The following LRIG2 variants were observed in gnomAD, a reference collection of about 807,000 sequenced individuals.
The protein encoded by LRIG2 is leucine rich repeats and immunoglobulin like domains 2.
Under a neutral mutation model 107.8 loss-of-function variants are expected in LRIG2, and 93 were observed. The observed-to-expected ratio is 0.86, with a 90% confidence interval of 0.73 to 1.03. The LOEUF (loss-of-function observed/expected upper bound fraction) is 1.03. LRIG2 is among the 50% of genes least tolerant of loss of function. The pLI is 0.00. For missense variants in LRIG2, 1,226 were observed against 1,296.0 expected (o/e 0.95, Z 0.83); for synonymous variants, 471 against 470.6 (o/e 1.00, Z -0.01).
intron 1 of LRIG2, among the ~76,000 whole-genome samples, chr1:113,090,824 C>T (rs1020282276): frequency 3.4e-5 from 5 of 148,498 alleles, no homozygotes; most frequent in African/African-American, 9.9e-5. Flanking sequence ...GGCGACAGAG[C>T]GAGACTCCGT....
Position 113,093,466 on chromosome 1 carries a change from A to C in LRIG2, c.417A>C (p.Ala139=). ...HNIIPEINAQ[A]LQFYPALESL... ...TAATCCCAGAAATAAATGCACAGGC[A>C]CTCCAGTTTTACCCTGCTCTGGAGA... Residue 139 remains alanine, a synonymous_variant, in exon 4 of 18, where the codon GCA becomes GCC. Coordinates refer to ENST00000361127, the MANE Select transcript of LRIG2 (RefSeq NM_014813.3). 1 of 1,613,530 alleles carries C rather than the reference A, an allele frequency of 6.2e-7. No individual in the cohort carries two copies.
chr1:113,090,178 A>G (rs1653740954), intron 1 of LRIG2, among the ~76,000 whole-genome samples: 1 of 152,210 alleles, frequency 6.6e-6, no homozygotes, highest in African/African-American at 2.4e-5. Flanking sequence ...ATGACCTAAG[A>G]TGTATTATTG....
At chr1:113,119,135 T>C in intron 16 of LRIG2, 98 bp from the exon 17 acceptor site, 2 of 1,120,910 alleles carry the variant, frequency 1.8e-6, no homozygotes, top group South Asian at 2.9e-5. Flanking sequence ...GCTCAATACA[T>C]GCTAGCAATG....
At position 113,091,960 on chromosome 1, in the gene LRIG2, T is replaced by C. The variant is rs150476771; in HGVS notation, c.305+577T>C. Among the ~76,000 whole-genome samples, 396 of 152,342 alleles carry C rather than the reference T, an allele frequency of 2.6e-3. 2 individuals carry two copies. The highest frequency in any genetic ancestry group is 9.0e-3 in the African/African-American group (374 of 41,584). On this transcript the variant is annotated intron_variant, in intron 2 of 17. Coordinates refer to ENST00000361127, the MANE Select transcript of LRIG2 (RefSeq NM_014813.3). The stretch of plus-strand genomic sequence containing the variant: ...GCACAACCGTTAAGGTATATAGGCC[T>C]ATTTGCCTCTACAATTAACACCATC...
intron 9 of LRIG2, 90 bp from the exon 10 acceptor site, chr1:113,100,121 C>T (rs976823796): frequency 7.2e-5 from 50 of 691,482 alleles, no homozygotes; most frequent in East Asian, 5.9e-4. Flanking sequence ...AAGTACGCTA[C>T]GCTTATTTTC....
At chr1:113,081,034 G>C (rs1175721983) in intron 1 of LRIG2, among the ~76,000 whole-genome samples, 1 of 151,692 alleles carries the variant, frequency 6.6e-6, no homozygotes, top group Non-Finnish European at 1.5e-5. Context: ...CTAGAGACGA[G>C]GTTTCACCAT....
chr1:113,086,009 T>G (rs1187610992), intron 1 of LRIG2, among the ~76,000 whole-genome samples: 2 of 145,586 alleles, frequency 1.4e-5, no homozygotes, highest in South Asian at 2.3e-4. Flanking sequence ...GGTTTTTTTT[T>G]TTTTTTTTTT....
chr1:113,114,737 G>A lies in LRIG2; in HGVS notation c.2391G>A (p.Gly797=), dbSNP rs1009925443. 4 of 1,614,148 alleles carry A rather than the reference G, an allele frequency of 2.5e-6. No individual in the cohort carries two copies. In the African/African-American group the frequency reaches 4.0e-5, roughly 16 times the overall value. The change falls in exon 15 of 18, where the codon GGG becomes GGA. Residue 797 remains glycine (G), a synonymous_variant. Transcript: ENST00000361127. ...PNCDSSQSSI[G]HEDDGWTTVG... ...GTGACTCTTCCCAGAGTAGCATTGG[G>A]CATGAAGATGATGGCTGGACCACAG...
At chr1:113,123,723 G>GTTTTTT (rs139220276) in intron 17 of LRIG2, 152 bp from the exon 18 acceptor site, 34 of 551,792 alleles carry the variant, frequency 6.2e-5, no homozygotes, top group African/African-American at 5.6e-4. Flanking sequence ...TCTGGTGGTG[G>GTTTTTT]TTTTTGTGTG....
rs115632277 is a variant in LRIG2, at chr1:113,119,296, C to T, written c.2744C>T (p.Thr915Ile). 3,343 of 1,614,050 alleles carry T rather than the reference C, an allele frequency of 2.1e-3. 28 individuals carry two copies. Among genetic ancestry groups the T allele is most frequent in the African/African-American group, 0.017 (1,243 of 74,998 alleles). The change falls in exon 17 of 18, where the codon ACC becomes ATC. Residue 915 changes from threonine to isoleucine, a missense_variant. Thr to Ile is a moderately conservative substitution (Grantham distance 89). Transcript: ENST00000361127. ...GACAATGCCAACATCTACTCCAGGACCCGAGAATACTGTCCATACACCTAT... is the reference window on the plus strand; with the variant it reads ...GACAATGCCAACATCTACTCCAGGATCCGAGAATACTGTCCATACACCTAT... ...CYDNANIYSR[T>I]REYCPYTYIA...
Position 113,119,391 on chromosome 1 carries a change from T to G in LRIG2, c.2839T>G (p.Leu947Val), listed in dbSNP as rs781546876. The change falls in exon 17 of 18, where the codon TTA becomes GTA. Residue 947 changes from leucine to valine, a missense_variant. This residue lies in a region of LRIG2 where 642 missense variants were observed against 712.2 expected (regional missense o/e 0.90). Coordinates refer to ENST00000361127, the MANE Select transcript of LRIG2 (RefSeq NM_014813.3). ...LMVQMPKETY[L>V]VHPPQDTTAL... ...GGTCCAAATGCCTAAAGAGACATAT[T>G]TAGTACATCCTCCCCAGGATACTAC... 8.1e-6 allele frequency: 13 copies of G among 1,613,946 alleles called. No individual in the cohort carries two copies. The highest frequency in any genetic ancestry group is 9.3e-6 in the Non-Finnish European group (11 of 1,179,996).
At position 113,073,499 on chromosome 1, in the gene LRIG2, TCTC is replaced by T. The variant is rs1301053830; in HGVS notation, c.99_101del (p.Leu35del). 14 of 1,613,894 alleles carry T rather than the reference TCTC, an allele frequency of 8.7e-6. No homozygotes were observed. The highest frequency in any genetic ancestry group is 1.3e-5 in the African/African-American group (1 of 74,886). On this transcript the variant is annotated inframe_deletion, in exon 1 of 18. Coordinates refer to ENST00000361127, the MANE Select transcript of LRIG2 (RefSeq NM_014813.3). The stretch of plus-strand genomic sequence containing the variant: ...GGTTACTCTTCATTGCCCAGACCGC[TCTC>T]CTCCTGTTGCCCGCCGCCGGAGCAG...
At chr1:113,100,753 T>C (rs1654273582) in intron 11 of LRIG2, 2 of 287,044 alleles carry the variant, frequency 7.0e-6, no homozygotes, top group East Asian at 1.1e-4. Flanking sequence ...CACTGCTCCT[T>C]ATGCTTTATG....
At chr1:113,081,104 G>A (rs1653261436) in intron 1 of LRIG2, among the ~76,000 whole-genome samples, 1 of 152,098 alleles carries the variant, frequency 6.6e-6, no homozygotes, top group East Asian at 1.9e-4. Context: ...GCCTCCCAAA[G>A]TGCTGGGATT....
At position 113,128,289 on chromosome 1, in the gene LRIG2, TC is replaced by T. The variant is rs1218050183; in HGVS notation, c.*4191del. 1.3e-5 allele frequency: 2 copies of T among 152,232 alleles called. No individual in the cohort carries two copies. The highest frequency in any genetic ancestry group is 2.9e-5 in the Non-Finnish European group (2 of 68,042). 9.4% of individuals were successfully genotyped at this position (152,232 alleles called of 1,614,324 possible). A position where few individuals can be genotyped will look rare whatever the true frequency, so the allele number is the denominator to read the frequency against. On this transcript the variant is annotated 3_prime_UTR_variant, in exon 18 of 18. Coordinates refer to ENST00000361127, the MANE Select transcript of LRIG2 (RefSeq NM_014813.3). ...ACTTCCTAAAGATCACAATTTCCTA[TC>T]CCTTCAATCTGCGATCCCTCTTCTT...
At chr1:113,096,074 A>G (rs1375240842) in intron 7 of LRIG2, 57 bp downstream of exon 7, 1 of 1,606,808 alleles carries the variant, frequency 6.2e-7, no homozygotes, top group Non-Finnish European at 8.5e-7. Context: ...GATTGGAATA[A>G]ATCATTCCCA....
At chr1:113,079,346 TAAAA>T (rs141538883) in intron 1 of LRIG2, among the ~76,000 whole-genome samples, 9 of 123,158 alleles carry the variant, frequency 7.3e-5, no homozygotes, top group Non-Finnish European at 9.9e-5. Context: ...AGATCCTATT[TAAAA>T]AAAAAAAAAA....
chr1:113,096,418 A>C (rs1654072996), intron 8 of LRIG2, 53 bp downstream of exon 8: 2 of 1,550,614 alleles, frequency 1.3e-6, no homozygotes, highest in Non-Finnish European at 1.7e-6. Flanking sequence ...TTTTAGTACA[A>C]TAAAGCAAAT....
chr1:113,123,761 G>GTGTGT, intron 17 of LRIG2, 114 bp from the exon 18 acceptor site: 1 of 678,262 alleles, frequency 1.5e-6, no homozygotes, highest in Non-Finnish European at 2.6e-6. Context: ...GTGTGTGTGT[G>GTGTGT]ATTTCAGTGT....
Sources: allele counts gnomAD v4.1 joint callset (sites outside exome capture counted in the v4.1 genomes callset), GRCh38; gene constraint gnomAD v4.1.1; regional missense constraint gnomAD v4.1.1; transcripts MANE v1.5; gene names NCBI Gene and HGNC (gene_info 2026-07-23, HGNC 2026-07-21).